Variants in IQCJ observed in about 807,000 individuals in gnomAD.
IQCJ encodes IQ domain-containing protein J.
IQCJ carries 9 observed loss-of-function variants against 11.0 expected under a neutral mutation model. The observed-to-expected ratio is 0.82, with a 90% CI of 0.49 to 1.43. IQCJ has a LOEUF of 1.43. Among genes scored for constraint, IQCJ ranks in the 40% most tolerant of loss-of-function variants. The pLI is 0.00. For synonymous variants in IQCJ, 55 were observed against 51.3 expected (o/e 1.07, Z -0.31); for missense variants, 146 against 133.2 (o/e 1.10, Z -0.47).
At chr3:159,142,718 C>T (rs570037575) in intron 1 of IQCJ, among the ~76,000 whole-genome samples, 5 of 151,866 alleles carry the variant, frequency 3.3e-5, no homozygotes, top group African/African-American at 9.7e-5. Context: ...GTACCCAGCC[C>T]GGGGGCAGGT....
At chr3:159,193,298 C>T (rs956469592) in intron 1 of IQCJ, among the ~76,000 whole-genome samples, 2 of 152,186 alleles carry the variant, frequency 1.3e-5, no homozygotes, top group East Asian at 1.9e-4. Flanking sequence ...TCTCCATCTA[C>T]CTAATGATTC....
intron 1 of IQCJ, among the ~76,000 whole-genome samples, chr3:159,144,490 G>A (rs1474300045): frequency 3.3e-5 from 5 of 152,100 alleles, no homozygotes; most frequent in African/African-American, 1.2e-4. Flanking sequence ...AATCCTCTAA[G>A]GTGAACAGAT....
intron 1 of IQCJ, among the ~76,000 whole-genome samples, chr3:159,106,119 T>G (rs934458851): frequency 2.0e-5 from 3 of 151,800 alleles, no homozygotes; most frequent in Non-Finnish European, 2.9e-5. Context: ...GAGAATGGAA[T>G]TGGGGAGGTG....
chr3:159,218,361 G>GTC (rs1014122713), intron 1 of IQCJ, among the ~76,000 whole-genome samples: 3 of 151,596 alleles, frequency 2.0e-5, no homozygotes, highest in African/African-American at 4.9e-5. Flanking sequence ...GTGTGTGTGT[G>GTC]TGTGTGTGTA....
chr3:159,117,396 A>G (rs1305647487), intron 1 of IQCJ, among the ~76,000 whole-genome samples: 2 of 152,196 alleles, frequency 1.3e-5, no homozygotes, highest in Non-Finnish European at 2.9e-5. Context: ...ATCTCTTCCA[A>G]TTCCAGGCTC....
At chr3:159,167,226 T>G (rs1722220638) in intron 1 of IQCJ, among the ~76,000 whole-genome samples, 1 of 152,256 alleles carries the variant, frequency 6.6e-6, no homozygotes, top group African/African-American at 2.4e-5. Context: ...TTCTATAGCT[T>G]TTTATAACAT....
chr3:159,105,053 T>G (rs1213528589), intron 1 of IQCJ, among the ~76,000 whole-genome samples: 7 of 152,198 alleles, frequency 4.6e-5, no homozygotes, highest in African/African-American at 1.7e-4. Context: ...AACAAATGTG[T>G]GAATGAAATC....
intron 1 of IQCJ, among the ~76,000 whole-genome samples, chr3:159,092,616 T>A (rs1287216490): frequency 6.6e-6 from 1 of 151,146 alleles, no homozygotes; most frequent in African/African-American, 2.5e-5. Flanking sequence ...GAGAATGGTG[T>A]GAACCTGGGA....
At chr3:159,084,714 G>T (rs549197011) in intron 1 of IQCJ, among the ~76,000 whole-genome samples, 1 of 152,008 alleles carries the variant, frequency 6.6e-6, no homozygotes, top group Non-Finnish European at 1.5e-5. Context: ...TGAAAGAAAA[G>T]CACTGAATAA....
intron 1 of IQCJ, among the ~76,000 whole-genome samples, chr3:159,216,465 T>A (rs1396644434): frequency 1.3e-5 from 2 of 152,168 alleles, no homozygotes; most frequent in African/African-American, 4.8e-5. Context: ...CTTCAGGGCA[T>A]TGCCAGCAAC....
At chr3:159,101,690 T>A (rs1717934223) in intron 1 of IQCJ, among the ~76,000 whole-genome samples, 1 of 152,228 alleles carries the variant, frequency 6.6e-6, no homozygotes, top group Non-Finnish European at 1.5e-5. Context: ...CAAGCCCATC[T>A]ACTGTGTTTC....
rs370247938 is a variant in IQCJ, at chr3:159,090,545, A to T, written c.9+21104A>T. ...CCAGGTCTATTCATGGAGTCAGTGG[A>T]CCATGGGAGGGAAGTCAGACTTGTT... On this transcript the variant is annotated intron_variant, in intron 1 of 3. Coordinates refer to ENST00000397832, the MANE Select transcript of IQCJ (RefSeq NM_001042706.3). Among the ~76,000 whole-genome samples, 54 of 151,812 alleles carry T rather than the reference A, an allele frequency of 3.6e-4. No individual in the cohort carries two copies. The East Asian group carries it at 6.4e-3, about 18-fold the overall frequency.
At chr3:159,179,340 C>T (rs1289977486) in intron 1 of IQCJ, among the ~76,000 whole-genome samples, 1 of 152,112 alleles carries the variant, frequency 6.6e-6, no homozygotes, top group Non-Finnish European at 1.5e-5. Context: ...CAGAGGTTCT[C>T]ACCTCTGCAT....
Position 159,245,839 on chromosome 3 carries a change from A to G in IQCJ, c.10-4A>G. Reference sequence around the variant, plus strand: ...TTGTAAGATATATCTTCTCTTTTTCACAGGAAGAACTGAAAAGATTGCAGA... The same window carrying G: ...TTGTAAGATATATCTTCTCTTTTTCGCAGGAAGAACTGAAAAGATTGCAGA... On this transcript the variant is annotated splice_region_variant and splice_polypyrimidine_tract_variant and intron_variant, in intron 1 of 3. Transcript: ENST00000397832. 1 of 1,543,824 alleles carries G rather than the reference A, an allele frequency of 6.5e-7. No homozygotes were observed. Among genetic ancestry groups the G allele is most frequent in the South Asian group, 1.2e-5 (1 of 83,356 alleles).
At chr3:159,143,181 G>A (rs1286524418) in intron 1 of IQCJ, among the ~76,000 whole-genome samples, 1 of 152,164 alleles carries the variant, frequency 6.6e-6, no homozygotes, top group Non-Finnish European at 1.5e-5. Flanking sequence ...GATGAAGTGT[G>A]AAAAAATCAC....
chr3:159,109,634 A>G (rs955200607), intron 1 of IQCJ, among the ~76,000 whole-genome samples: 1 of 151,400 alleles, frequency 6.6e-6, no homozygotes, highest in Admixed American at 6.6e-5. Context: ...TTCTAGAGAC[A>G]GCCTTGGGAT....
intron 1 of IQCJ, among the ~76,000 whole-genome samples, chr3:159,185,077 G>T (rs1042065705): frequency 2.0e-5 from 3 of 152,132 alleles, no homozygotes; most frequent in Non-Finnish European, 2.9e-5. Context: ...TAAATCCTTT[G>T]CCCCTACTTC....
Position 159,085,069 on chromosome 3 carries a change from C to A in IQCJ, c.9+15628C>A, listed in dbSNP as rs984010679. Among the ~76,000 whole-genome samples, 6 of 151,526 alleles carry A rather than the reference C, an allele frequency of 4.0e-5. No homozygotes were observed. In the South Asian group the frequency reaches 1.3e-3, roughly 32 times the overall value. Reference sequence around the variant, plus strand: ...TCTCCCAATGCTATCCCTCCCCTCTCCCCCCACCCCACAACAGTCCCCAGA... The same window carrying A: ...TCTCCCAATGCTATCCCTCCCCTCTACCCCCACCCCACAACAGTCCCCAGA... On this transcript the variant is annotated intron_variant, in intron 1 of 3. Coordinates refer to ENST00000397832, the MANE Select transcript of IQCJ (RefSeq NM_001042706.3).
At chr3:159,182,704 C>G (rs2108019132) in intron 1 of IQCJ, among the ~76,000 whole-genome samples, 1 of 152,008 alleles carries the variant, frequency 6.6e-6, no homozygotes, top group African/African-American at 2.4e-5. Context: ...GATATCTTCA[C>G]AGTGCTTTTC....
Sources: gnomAD v4.1 joint callset for allele counts (sites outside exome capture counted in the v4.1 genomes callset) on GRCh38, gnomAD v4.1.1 for gene constraint, MANE v1.5 for transcripts, NCBI Gene and HGNC (gene_info 2026-07-23, HGNC 2026-07-21) for gene names.